Variants in OSBPL6 observed in about 807,000 individuals in gnomAD.
OSBPL6 encodes oxysterol binding protein like 6, also known as oxysterol-binding protein-related protein 6.
OSBPL6 carries 49 observed loss-of-function variants against 125.8 expected under a neutral mutation model. The ratio of observed to expected loss-of-function variants is 0.39; its 90% CI spans 0.31 to 0.49. OSBPL6 has a LOEUF of 0.49. OSBPL6 is among the 20% of genes least tolerant of loss of function. The pLI, the probability that OSBPL6 is intolerant of heterozygous loss-of-function variation, is 0.88. For synonymous variants in OSBPL6, 394 were observed against 391.8 expected (o/e 1.01, Z -0.07); for missense variants, 986 against 1,135.4 (o/e 0.87, Z 1.89).
In OSBPL6 at chr2:178,232,787, A is replaced by G. The variant is rs781458145; in HGVS notation, c.-351+38113A>G. On this transcript the variant is annotated intron_variant, in intron 1 of 24. Transcript: ENST00000190611. ...TACTTTATTCTGGTAACAGCTCCCA[A>G]TTGGTCTTTCAAAAGCAGTACCCCA... is the stretch of plus-strand genomic sequence containing the variant. 1.1e-4 allele frequency among the ~76,000 whole-genome samples: 17 copies of G among 152,006 alleles called. No individual in the cohort carries two copies. The East Asian group carries it at 1.5e-3, about 14-fold the overall frequency.
chr2:178,389,383 G>T lies in OSBPL6; in HGVS notation c.2301+230G>T, dbSNP rs192456994. Reference sequence around the variant, plus strand: ...CATCTAAAACAGAAAAAAAACACATGTCTTTTTAAAGAATTTTCTTTTGAA... The same window carrying T: ...CATCTAAAACAGAAAAAAAACACATTTCTTTTTAAAGAATTTTCTTTTGAA... On this transcript the variant is annotated intron_variant, in intron 21 of 24. Transcript: ENST00000190611. Among the ~76,000 whole-genome samples, 1,404 of 142,160 alleles carry T rather than the reference G, an allele frequency of 9.9e-3. 18 individuals carry two copies. Among genetic ancestry groups the T allele is most frequent in the African/African-American group, 0.031 (1,183 of 37,942 alleles). 93.3% of individuals were successfully genotyped at this position (142,160 alleles called of 152,430 possible). A position where few individuals can be genotyped will look rare whatever the true frequency, so the allele number is the denominator to read the frequency against.
At chr2:178,321,722 A>G (rs1688259409) in intron 3 of OSBPL6, among the ~76,000 whole-genome samples, 1 of 152,174 alleles carries the variant, frequency 6.6e-6, no homozygotes, top group African/African-American at 2.4e-5. Context: ...TTGTCCTTTA[A>G]CTTTTTCAGT....
chr2:178,379,651 G>T (rs1434136602), intron 15 of OSBPL6, among the ~76,000 whole-genome samples: 4 of 152,264 alleles, frequency 2.6e-5, no homozygotes, highest in South Asian at 4.1e-4. Context: ...TGTATGATTA[G>T]ATTTTTTTCA....
chr2:178,367,778 C>T (rs1185081459), intron 13 of OSBPL6, among the ~76,000 whole-genome samples: 1 of 152,210 alleles, frequency 6.6e-6, no homozygotes, highest in Non-Finnish European at 1.5e-5. Context: ...GTTTTTAGTG[C>T]AGTCCGAGCT....
chr2:178,309,055 A>G (rs189398835), intron 3 of OSBPL6, among the ~76,000 whole-genome samples: 119 of 152,204 alleles, frequency 7.8e-4, no homozygotes, highest in Non-Finnish European at 1.3e-3. Flanking sequence ...TTGTCTGATC[A>G]TAGTCCTGAA....
At chr2:178,341,872 C>T (rs1690238816) in intron 11 of OSBPL6, among the ~76,000 whole-genome samples, 1 of 152,108 alleles carries the variant, frequency 6.6e-6, no homozygotes, top group Non-Finnish European at 1.5e-5. Context: ...TTCTCTACTA[C>T]TGGGAAGTTC....
Position 178,401,918 on chromosome 2 carries a change from G to A in OSBPL6, c.*6359G>A, listed in dbSNP as rs10207337. On this transcript the variant is annotated 3_prime_UTR_variant, in exon 25 of 25. Transcript: ENST00000190611. ...GTCTTTTTTGTTTGTTTTTTTTCAT[G>A]TGACACTCAGTAGGAAAGTCTAGTT... The A allele has an allele frequency of 0.97, 147,829 of 152,280 alleles. 71,937 individuals are homozygous for A. Among genetic ancestry groups the A allele is most frequent in the East Asian group, 1 (5,173 of 5,174 alleles). 9.4% of individuals were successfully genotyped at this position (152,280 alleles called of 1,614,324 possible).
At chr2:178,344,359 C>T (rs2154084839) in intron 11 of OSBPL6, 1 of 1,614,004 alleles carries the variant, frequency 6.2e-7, no homozygotes, top group Non-Finnish European at 8.5e-7. Flanking sequence ...GTGGCTACAA[C>T]AGTGAGTGGA....
At chr2:178,241,430 T>C (rs77630719) in intron 1 of OSBPL6, among the ~76,000 whole-genome samples, 1 of 151,174 alleles carries the variant, frequency 6.6e-6, no homozygotes, top group African/African-American at 2.4e-5. Context: ...TTTTTTTTTT[T>C]TCTGAGACAT....
At chr2:178,369,071 A>G (rs894883160) in intron 13 of OSBPL6, among the ~76,000 whole-genome samples, 6 of 152,208 alleles carry the variant, frequency 3.9e-5, no homozygotes, top group African/African-American at 1.4e-4. Flanking sequence ...TGCTGAGGTT[A>G]CAGACATGAG....
At chr2:178,289,130 G>A (rs530729272) in intron 2 of OSBPL6, among the ~76,000 whole-genome samples, 1 of 146,982 alleles carries the variant, frequency 6.8e-6, no homozygotes, top group South Asian at 2.1e-4. Context: ...CGATTCTCCT[G>A]GCTCACCCTC....
chr2:178,273,575 G>A (rs911828211), intron 1 of OSBPL6, among the ~76,000 whole-genome samples: 11 of 151,460 alleles, frequency 7.3e-5, no homozygotes, highest in Admixed American at 2.0e-4. Context: ...GTGATACCCC[G>A]TCTCAAAAAA....
rs1156638755 is a variant in OSBPL6 at position 178,397,959 on chromosome 2, CT to C, written c.*2404del. 1 of 152,152 alleles carries C rather than the reference CT, an allele frequency of 6.6e-6. No homozygotes were observed. Among genetic ancestry groups the C allele is most frequent in the African/African-American group, 2.4e-5 (1 of 41,430 alleles). 9.4% of individuals were successfully genotyped at this position (152,152 alleles called of 1,614,324 possible). ...TGATAATATCTCAGATTTAGAATCT[CT>C]TTTGGGATTCAGATAGTCTGATTAT... On this transcript the variant is annotated 3_prime_UTR_variant, in exon 25 of 25. Transcript: ENST00000190611.
At chr2:178,350,727 T>A (rs1247127509) in intron 12 of OSBPL6, among the ~76,000 whole-genome samples, 1 of 152,206 alleles carries the variant, frequency 6.6e-6, no homozygotes, top group Non-Finnish European at 1.5e-5. Flanking sequence ...TTAATTTGTT[T>A]ATGTAACAGC....
intron 1 of OSBPL6, among the ~76,000 whole-genome samples, chr2:178,221,973 T>C (rs570814785): frequency 3.3e-5 from 5 of 152,178 alleles, no homozygotes; most frequent in Admixed American, 6.5e-5. Context: ...TCGCATCCCA[T>C]GTCCTCTGCC....
intron 15 of OSBPL6, among the ~76,000 whole-genome samples, chr2:178,378,604 T>C (rs1338267391): frequency 6.6e-6 from 1 of 152,236 alleles, no homozygotes; most frequent in Non-Finnish European, 1.5e-5. Context: ...TGAACTCTTT[T>C]GAATCCCTAA....
At position 178,266,981 on chromosome 2, in the gene OSBPL6, T is replaced by C. The variant is rs1278795082; in HGVS notation, c.-350-17946T>C. ...GACATGTTGATACAGATGGTGTCAG[T>C]GGGGTCTTGAGCAGCATGGGGAGGA... On this transcript the variant is annotated intron_variant, in intron 1 of 24. Coordinates refer to ENST00000190611, the MANE Select transcript of OSBPL6 (RefSeq NM_032523.4). 4.6e-5 allele frequency among the ~76,000 whole-genome samples: 7 copies of C among 152,228 alleles called. No individual in the cohort carries two copies. The East Asian group carries it at 1.4e-3, about 29-fold the overall frequency.
intron 3 of OSBPL6, chr2:178,320,109 C>G: frequency 1.6e-6 from 1 of 628,156 alleles, no homozygotes; most frequent in Non-Finnish European, 2.5e-6. Context: ...ATCTCCTGGA[C>G]TCTCATTTTG....
intron 1 of OSBPL6, among the ~76,000 whole-genome samples, chr2:178,262,832 T>C (rs895438288): frequency 4.6e-5 from 7 of 152,212 alleles, no homozygotes; most frequent in African/African-American, 7.2e-5. Flanking sequence ...CATTAATATA[T>C]ATAGATCTCC....
Sources: gnomAD v4.1 joint callset for allele counts (sites outside exome capture counted in the v4.1 genomes callset) on GRCh38, gnomAD v4.1.1 for gene constraint, MANE v1.5 for transcripts, NCBI Gene and HGNC (gene_info 2026-07-23, HGNC 2026-07-21) for gene names.